RNF157: variants seen among roughly 807,000 people sequenced by gnomAD.
RNF157 encodes E3 ubiquitin ligase RNF157.
In RNF157, 55 loss-of-function variants were observed where a neutral mutation model predicts 88.3. The observed-to-expected ratio is 0.62, with a 90% CI of 0.50 to 0.78. The LOEUF is 0.78. Ranked by LOEUF, RNF157 falls within the 30% of genes least tolerant of loss-of-function variation. The pLI is 0.00. For synonymous variants in RNF157, 334 were observed against 341.2 expected, an observed-to-expected ratio of 0.98 and a Z score of 0.23; for missense variants, 788 against 860.8, an observed-to-expected ratio of 0.92 and a Z score of 1.06.
chr17:76,182,774 TATATATATATATATGAGAG>T (rs1484702787), intron 2 of RNF157, among the ~76,000 whole-genome samples: 4 of 139,636 alleles, frequency 2.9e-5, no homozygotes, highest in African/African-American at 1.1e-4. Context: ...TATATATATA[TATATATATATATATGAGAG>T]ATATATATAT....
intron 1 of RNF157, among the ~76,000 whole-genome samples, chr17:76,222,505 TC>T: frequency 6.6e-6 from 1 of 152,286 alleles, no homozygotes. Flanking sequence ...TTTGGCACAG[TC>T]AGGTTATAAT....
intron 16 of RNF157, 99 bp downstream of exon 16, chr17:76,155,153 G>C: frequency 9.7e-7 from 1 of 1,029,180 alleles, no homozygotes; most frequent in Non-Finnish European, 1.5e-6. Flanking sequence ...GGCTTCGTCA[G>C]CGCAGCCTCC....
rs1401562692 is a variant in RNF157 at position 76,161,364 on chromosome 17, T to C, written c.1065+171A>G. On this transcript the variant is annotated intron_variant, in intron 11 of 18. Coordinates refer to ENST00000269391, the MANE Select transcript of RNF157 (RefSeq NM_052916.3). The surrounding 1 kb of genome is among the most constrained non-coding windows in gnomAD (Gnocchi z 4.6). ...AAAAGGGAGGTTTTCAGTATTCAAT[T>C]TTCCACAGTAATAAGTTGGTTTTAA... 1.3e-5 allele frequency among the ~76,000 whole-genome samples: 2 copies of C among 152,118 alleles called. No homozygotes were observed. The highest frequency in any genetic ancestry group is 2.9e-5 in the Non-Finnish European group (2 of 68,024).
intron 1 of RNF157, among the ~76,000 whole-genome samples, chr17:76,223,259 C>T (rs2070020259): frequency 6.6e-6 from 1 of 150,572 alleles, no homozygotes; most frequent in South Asian, 2.1e-4. Flanking sequence ...CCAATCTCTG[C>T]TCGCTGCAAC....
chr17:76,240,090 C>G lies in RNF157; in HGVS notation c.88+63G>C. ...CCCGCGGGGCCCCCTCAGGCCGTCC[C>G]GACCCAGACCCCTGCCCCTGCCCCT... On this transcript the variant is annotated intron_variant, in intron 1 of 18. Transcript: ENST00000269391. The surrounding 1 kb of genome is among the most constrained non-coding windows in gnomAD (Gnocchi z 4.4). 2.8e-6 allele frequency: 3 copies of G among 1,065,764 alleles called. No individual in the cohort carries two copies. The highest frequency in any genetic ancestry group is 3.6e-6 in the Non-Finnish European group (3 of 838,286). The allele number at this position is 1,065,764 out of a possible 1,614,324, so 66.0% of individuals were successfully genotyped here.
chr17:76,227,877 C>CA (rs1280602074), intron 1 of RNF157, among the ~76,000 whole-genome samples: 2 of 151,658 alleles, frequency 1.3e-5, no homozygotes, highest in Non-Finnish European at 1.5e-5. Context: ...AACTCCATCT[C>CA]AAAAAAAATT....
At chr17:76,168,427 T>A (rs1186039447) in intron 3 of RNF157, among the ~76,000 whole-genome samples, 2 of 145,196 alleles carry the variant, frequency 1.4e-5, no homozygotes, top group African/African-American at 5.7e-5. Context: ...GTGCTCATCC[T>A]ATTTTTTTTT....
At chr17:76,167,531 T>C (rs1264213030) in intron 4 of RNF157, 120 bp downstream of exon 4, 3 of 1,411,848 alleles carry the variant, frequency 2.1e-6, no homozygotes, top group Non-Finnish European at 2.9e-6. Flanking sequence ...ACTCTCCCTA[T>C]CTGGGAAGGA....
Position 76,152,337 on chromosome 17 carries a change from C to T in RNF157, c.1921+18G>A. On this transcript the variant is annotated intron_variant, in intron 18 of 18. Transcript: ENST00000269391. Reference sequence around the variant, plus strand: ...GATCGTCTCCCACCAAGTTCATGTTCAGCAGACTGACACTCACCAGGTAAG... The same window carrying T: ...GATCGTCTCCCACCAAGTTCATGTTTAGCAGACTGACACTCACCAGGTAAG... 2.0e-6 allele frequency: 3 copies of T among 1,499,430 alleles called. No individual in the cohort carries two copies. The highest frequency in any genetic ancestry group is 1.4e-5 in the African/African-American group (1 of 72,862). The allele number at this position is 1,499,430 out of a possible 1,614,324, so 92.9% of individuals were successfully genotyped here. A position where few individuals can be genotyped will look rare whatever the true frequency, so the allele number is the denominator to read the frequency against.
At chr17:76,159,682 G>GAACA in intron 11 of RNF157, 109 bp from the exon 12 acceptor site, 2 of 801,536 alleles carry the variant, frequency 2.5e-6, no homozygotes, top group Admixed American at 2.5e-5. Context: ...TGTTCTTGGG[G>GAACA]GGGTCTGGTA....
rs79290419 is a variant in RNF157 at position 76,222,348 on chromosome 17, A to G, written c.89-9866T>C. Among the ~76,000 whole-genome samples the G allele has an allele frequency of 5.4e-5, 8 of 147,024 alleles. No homozygotes were observed. The Admixed American group carries it at 5.4e-4, about 10-fold the overall frequency. On this transcript the variant is annotated intron_variant, in intron 1 of 18. Transcript: ENST00000269391. Reference sequence around the variant, plus strand: ...GGTGACAGAGCAAGACCCCGTCTCAAAAAAAAAAAAAAAAAGTTCTAGAAT... The same window carrying G: ...GGTGACAGAGCAAGACCCCGTCTCAGAAAAAAAAAAAAAAAGTTCTAGAAT...
intron 1 of RNF157, among the ~76,000 whole-genome samples, chr17:76,234,363 ATTT>A (rs1244185037): frequency 6.6e-6 from 1 of 151,680 alleles, no homozygotes; most frequent in Non-Finnish European, 1.5e-5. Flanking sequence ...ATGTGAATGT[ATTT>A]TCTTCATTTT....
chr17:76,182,914 A>T (rs944808637), intron 2 of RNF157, among the ~76,000 whole-genome samples: 2 of 149,940 alleles, frequency 1.3e-5, no homozygotes, highest in African/African-American at 4.9e-5. Flanking sequence ...ATCAATTCTC[A>T]GGTAAAGAAA....
At chr17:76,154,839 G>A (rs1181233285) in intron 16 of RNF157, among the ~76,000 whole-genome samples, 1 of 152,152 alleles carries the variant, frequency 6.6e-6, no homozygotes, top group Non-Finnish European at 1.5e-5. Flanking sequence ...TGGGCTCCTA[G>A]ATGGGTGCAG....
chr17:76,154,019 G>C (rs1384692012), intron 17 of RNF157: 1 of 428,320 alleles, frequency 2.3e-6, no homozygotes, highest in Non-Finnish European at 4.3e-6. Flanking sequence ...TCTACTTCAG[G>C]TAAATATGGA....
At chr17:76,229,700 C>T (rs1224436202) in intron 1 of RNF157, among the ~76,000 whole-genome samples, 2 of 152,300 alleles carry the variant, frequency 1.3e-5, no homozygotes, top group Non-Finnish European at 2.9e-5. Context: ...AGGGAAGGCA[C>T]TATCTTTTTG....
At chr17:76,156,081 C>G in intron 14 of RNF157, 129 bp downstream of exon 14, 1 of 714,120 alleles carries the variant, frequency 1.4e-6, no homozygotes, top group East Asian at 2.6e-5. Flanking sequence ...CCTCTCAAGC[C>G]AGGGCCTACT....
In RNF157 at chr17:76,200,922, T is replaced by C. The variant is rs146804805; in HGVS notation, c.207+11442A>G. Among the ~76,000 whole-genome samples, 1,060 of 152,180 alleles carry C rather than the reference T, an allele frequency of 7.0e-3. 4 individuals carry two copies. The highest frequency in any genetic ancestry group is 0.02 in the South Asian group (97 of 4,818). ...TGACTCTCCTCCTCCCCATGCTTAC[T>C]CTGGTTTTCTGTCTTTCTCCGCAAG... is the stretch of plus-strand genomic sequence containing the variant. On this transcript the variant is annotated intron_variant, in intron 2 of 18. Coordinates refer to ENST00000269391, the MANE Select transcript of RNF157 (RefSeq NM_052916.3).
At chr17:76,212,539 A>AG in intron 1 of RNF157, 57 bp from the exon 2 acceptor site, 1 of 1,093,708 alleles carries the variant, frequency 9.1e-7, no homozygotes. Context: ...ACCTAAATCT[A>AG]GTAAAAAAAA....
Sources: allele counts gnomAD v4.1 joint callset (sites outside exome capture counted in the v4.1 genomes callset), GRCh38; gene constraint gnomAD v4.1.1; non-coding constraint Gnocchi (gnomAD v3.1); transcripts MANE v1.5; gene names NCBI Gene and HGNC (gene_info 2026-07-23, HGNC 2026-07-21).